Variants in RAB38 observed in about 807,000 individuals in gnomAD.
RAB38 encodes RAB38, member RAS oncogene family.
A neutral mutation model predicts 18.4 loss-of-function variants in RAB38; 15 were observed. The ratio of observed to expected loss-of-function variants is 0.82; its 90% CI spans 0.55 to 1.26. The LOEUF is 1.26. Ranked by LOEUF, RAB38 falls within the 50% of genes most tolerant of loss-of-function variation. The probability of loss-of-function intolerance (pLI) is 0.00; values close to 1 mark genes in which losing one functional copy is unlikely to be tolerated. For missense variants in RAB38, 294 were observed against 267.4 expected, an observed-to-expected ratio of 1.10 and a Z score of -0.69; for synonymous variants, 101 against 104.4, an observed-to-expected ratio of 0.97 and a Z score of 0.20.
At chr11:88,029,093 G>T in the RAB38 span, among the ~76,000 whole-genome samples, 1 of 151,900 alleles carries the variant, frequency 6.6e-6, no homozygotes, top group Non-Finnish European at 1.5e-5. Flanking sequence ...TTAAAGAAAA[G>T]AATTTTCAAC....
In RAB38 at chr11:88,175,189, T is replaced by C; in HGVS notation, c.196A>G (p.Ile66Val). The change falls in exon 1 of 3, where the codon ATC becomes GTC. Residue 66 changes from isoleucine to valine, a missense_variant. Physicochemically the swap from Ile to Val is conservative, Grantham distance 29. Transcript: ENST00000243662. ...ETVVRLQLWD[I>V]AGQERFGNMT... The stretch of plus-strand genomic sequence containing the variant: ...CCCCTCCCCCCGCGCTCACCTGCGA[T>C]ATCCCAGAGCTGCAGGCGCACCACA... 1 of 1,606,860 alleles carries C rather than the reference T, an allele frequency of 6.2e-7. No homozygotes were observed. The highest frequency in any genetic ancestry group is 8.5e-7 in the Non-Finnish European group (1 of 1,175,954).
the RAB38 span, among the ~76,000 whole-genome samples, chr11:87,846,578 TAAAG>T: frequency 0.059 from 9,038 of 152,108 alleles, 366 homozygotes; most frequent in Non-Finnish European, 0.084. Flanking sequence ...TGTACAGAAT[TAAAG>T]AAATACAATT....
intron 2 of RAB38, among the ~76,000 whole-genome samples, chr11:88,129,012 ATATGGACAGTTG>A (rs993828395): frequency 3.3e-5 from 5 of 152,244 alleles, no homozygotes; most frequent in Non-Finnish European, 5.9e-5. Flanking sequence ...CTATATCACT[ATATGGACAGTTG>A]TATATCTATA....
At chr11:87,910,884 C>G in the RAB38 span, among the ~76,000 whole-genome samples, 9 of 152,028 alleles carry the variant, frequency 5.9e-5, no homozygotes, top group Non-Finnish European at 1.3e-4. Flanking sequence ...ATCCAGCCCA[C>G]CTCATCCTCC....
the RAB38 span, among the ~76,000 whole-genome samples, chr11:88,074,000 A>G: frequency 1.3e-5 from 2 of 151,618 alleles, no homozygotes; most frequent in African/African-American, 2.4e-5. Context: ...AAAAAAAAAC[A>G]TACTTAAAAG....
chr11:88,121,833 A>G (rs181305147), intron 2 of RAB38, among the ~76,000 whole-genome samples: 46 of 151,638 alleles, frequency 3.0e-4, no homozygotes, highest in African/African-American at 1.1e-3. Flanking sequence ...AAGTGCTGGG[A>G]TTACAGGCGT....
chr11:87,954,244 C>T, the RAB38 span, among the ~76,000 whole-genome samples: 1 of 152,144 alleles, frequency 6.6e-6, no homozygotes, highest in Non-Finnish European at 1.5e-5. Flanking sequence ...GATGCATCCA[C>T]CCTGCTGAAC....
the RAB38 span, among the ~76,000 whole-genome samples, chr11:88,096,890 G>A: frequency 2.6e-5 from 4 of 151,654 alleles, no homozygotes; most frequent in Non-Finnish European, 5.9e-5. Context: ...TCAGTGGTGT[G>A]GTCATGGAAG....
chr11:88,128,070 C>G (rs1942725387), intron 2 of RAB38, among the ~76,000 whole-genome samples: 1 of 152,172 alleles, frequency 6.6e-6, no homozygotes, highest in Admixed American at 6.6e-5. Flanking sequence ...GAAATTGTGA[C>G]TTCTCTGTGC....
chr11:88,067,938 CAT>C, the RAB38 span, among the ~76,000 whole-genome samples: 2 of 146,604 alleles, frequency 1.4e-5, no homozygotes, highest in African/African-American at 5.0e-5. Context: ...TACACACACA[CAT>C]ATATATACAT....
chr11:87,843,190 G>C, the RAB38 span, among the ~76,000 whole-genome samples: 2 of 152,314 alleles, frequency 1.3e-5, no homozygotes, highest in Admixed American at 6.5e-5. Flanking sequence ...CTACCTCTCT[G>C]AATACCATGC....
the RAB38 span, among the ~76,000 whole-genome samples, chr11:87,835,783 C>T: frequency 2.3e-4 from 35 of 152,254 alleles, 1 homozygote; most frequent in South Asian, 4.1e-4. Flanking sequence ...CTTAGACTTC[C>T]ATTTTCTACA....
the RAB38 span, among the ~76,000 whole-genome samples, chr11:88,021,860 A>AG: frequency 6.9e-6 from 1 of 145,286 alleles, no homozygotes; most frequent in Non-Finnish European, 1.5e-5. Flanking sequence ...TCTCAAAAAA[A>AG]AAAAAAAAAG....
At chr11:88,152,409 A>G (rs1039101528) in intron 1 of RAB38, among the ~76,000 whole-genome samples, 10 of 152,174 alleles carry the variant, frequency 6.6e-5, no homozygotes, top group African/African-American at 2.4e-4. Context: ...AGAATCAAAA[A>G]GGAAAATATG....
the RAB38 span, among the ~76,000 whole-genome samples, chr11:87,865,892 A>G: frequency 6.6e-6 from 1 of 151,754 alleles, no homozygotes; most frequent in Admixed American, 6.6e-5. Context: ...GTGCAACAGC[A>G]GATGGCCCCT....
chr11:88,093,951 G>T, the RAB38 span, among the ~76,000 whole-genome samples: 12 of 151,664 alleles, frequency 7.9e-5, no homozygotes, highest in Admixed American at 7.3e-4. Context: ...TCTGAGAAGG[G>T]TACTCCAACT....
At chr11:88,102,630 CAACCAGCAGTCTCTG>C in the RAB38 span, among the ~76,000 whole-genome samples, 6 of 151,992 alleles carry the variant, frequency 3.9e-5, no homozygotes, top group Non-Finnish European at 7.4e-5. Flanking sequence ...TATTAGGTGG[CAACCAGCAGTCTCTG>C]CCACAGAGAT....
At chr11:88,127,520 G>A (rs1239484673) in intron 2 of RAB38, among the ~76,000 whole-genome samples, 1 of 152,138 alleles carries the variant, frequency 6.6e-6, no homozygotes, top group Non-Finnish European at 1.5e-5. Flanking sequence ...TAAGAGTAGA[G>A]GGGTTTGTGG....
At chr11:88,155,627 A>G (rs941500088) in intron 1 of RAB38, among the ~76,000 whole-genome samples, 1 of 152,236 alleles carries the variant, frequency 6.6e-6, no homozygotes, top group Non-Finnish European at 1.5e-5. Context: ...GATACTATGA[A>G]AAATATGAAT....
Sources: gnomAD v4.1 joint callset for allele counts (sites outside exome capture counted in the v4.1 genomes callset) on GRCh38, gnomAD v4.1.1 for gene constraint, MANE v1.5 for transcripts, NCBI Gene and HGNC (gene_info 2026-07-23, HGNC 2026-07-21) for gene names.